The following ZCCHC24 variants were observed in gnomAD, a reference collection of about 807,000 sequenced individuals.
ZCCHC24 encodes the protein zinc finger CCHC domain-containing protein 24.
In ZCCHC24, 10 loss-of-function variants were observed where a neutral mutation model predicts 26.2. The observed-to-expected ratio is 0.38, with a 90% confidence interval of 0.24 to 0.65. The LOEUF (loss-of-function observed/expected upper bound fraction) is 0.65. Ranked by LOEUF, ZCCHC24 falls within the 30% of genes least tolerant of loss-of-function variation. ZCCHC24 has a pLI of 0.54. For synonymous variants in ZCCHC24, 144 were observed against 147.1 expected (o/e 0.98, Z 0.15); for missense variants, 243 against 329.1 (o/e 0.74, Z 2.03).
At chr10:79,423,591 A>ATTTTATATATATAC (rs373110200) in intron 2 of ZCCHC24, among the ~76,000 whole-genome samples, 1 of 49,666 alleles carries the variant, frequency 2.0e-5, no homozygotes, top group Admixed American at 2.2e-4. Context: ...CTATATATAT[A>ATTTTATATATATAC]TATATATATA....
intron 1 of ZCCHC24, among the ~76,000 whole-genome samples, chr10:79,442,486 A>G (rs1308080371): frequency 6.6e-6 from 1 of 152,070 alleles, no homozygotes; most frequent in East Asian, 1.9e-4. Flanking sequence ...AGCTGCATTC[A>G]TGGTGTTTTG....
At chr10:79,440,292 T>A (rs1338951822) in intron 1 of ZCCHC24, among the ~76,000 whole-genome samples, 6 of 152,222 alleles carry the variant, frequency 3.9e-5, no homozygotes, top group Non-Finnish European at 7.3e-5. Flanking sequence ...AAGTGCTCAG[T>A]GCCCATCTTC....
intron 2 of ZCCHC24, among the ~76,000 whole-genome samples, chr10:79,410,976 T>C (rs1013042256): frequency 1.3e-5 from 2 of 152,098 alleles, no homozygotes; most frequent in African/African-American, 4.8e-5. Context: ...GCTCCCCTCT[T>C]GGCCCATGGT....
chr10:79,424,569 T>C (rs191341058), intron 2 of ZCCHC24, among the ~76,000 whole-genome samples: 69 of 152,306 alleles, frequency 4.5e-4, no homozygotes, highest in African/African-American at 1.6e-3. Flanking sequence ...CCTATCCATG[T>C]TCAGGGGCTG....
Position 79,432,561 on chromosome 10 carries a change from G to C in ZCCHC24, c.444C>G (p.Pro148=). 6.3e-7 allele frequency: 1 copy of C among 1,593,978 alleles called. No homozygotes were observed. Among genetic ancestry groups the C allele is most frequent in the Non-Finnish European group, 8.5e-7 (1 of 1,170,064 alleles). Residue 148 remains proline, a synonymous_variant, in exon 2 of 4, where the codon CCC becomes CCG. Transcript: ENST00000372336. The part of the protein sequence containing the change: ...FNKGHYIKDC[P]QARPKGEGLT... Reference sequence around the variant, plus strand: ...CCCTGGGCCAGGGCTGCCTTACCTGGGGGCAGTCCTTGATGTAGTGTCCTT... The same window carrying C: ...CCCTGGGCCAGGGCTGCCTTACCTGCGGGCAGTCCTTGATGTAGTGTCCTT...
chr10:79,402,545 G>T (rs546608641), intron 2 of ZCCHC24, among the ~76,000 whole-genome samples: 101 of 152,390 alleles, frequency 6.6e-4, no homozygotes, highest in African/African-American at 2.3e-3. Flanking sequence ...AAAGTGTGGG[G>T]ATTATAGGCG....
At position 79,385,950 on chromosome 10, in the gene ZCCHC24, T is replaced by C. The variant is rs562606051; in HGVS notation, c.*395A>G. 2 of 419,446 alleles carry C rather than the reference T, an allele frequency of 4.8e-6. No homozygotes were observed. The highest frequency in any genetic ancestry group is 1.9e-4 in the South Asian group (2 of 10,746). The allele number at this position is 419,446 out of a possible 1,614,324, so 26.0% of individuals were successfully genotyped here. A position where few individuals can be genotyped will look rare whatever the true frequency, so the allele number is the denominator to read the frequency against. On this transcript the variant is annotated 3_prime_UTR_variant, in exon 4 of 4. Coordinates refer to ENST00000372336, the MANE Select transcript of ZCCHC24 (RefSeq NM_153367.4). The surrounding 1 kb of genome is among the most constrained non-coding windows in gnomAD (Gnocchi z 4.3). ...GGGTGGGGGCAGGCGGCCTGGCTGG[T>C]CTGGGGAGGTTTGGGATTCACAGTC... is the stretch of plus-strand genomic sequence containing the variant.
intron 2 of ZCCHC24, among the ~76,000 whole-genome samples, chr10:79,417,524 G>A (rs1222485289): frequency 6.6e-6 from 1 of 152,238 alleles, no homozygotes; most frequent in African/African-American, 2.4e-5. Flanking sequence ...GGGAGCAGTG[G>A]GAAAGGCACG....
chr10:79,423,128 T>C (rs1460867562), intron 2 of ZCCHC24, among the ~76,000 whole-genome samples: 2 of 152,160 alleles, frequency 1.3e-5, no homozygotes, highest in Non-Finnish European at 2.9e-5. Flanking sequence ...TGTCCTATCA[T>C]AGGAGAGACC....
intron 2 of ZCCHC24, among the ~76,000 whole-genome samples, chr10:79,411,799 C>T (rs943631879): frequency 2.6e-5 from 4 of 152,100 alleles, no homozygotes; most frequent in Non-Finnish European, 5.9e-5. Flanking sequence ...CAGGAGGCCT[C>T]GGCCCCTCCT....
At chr10:79,412,772 G>A (rs1448224430) in intron 2 of ZCCHC24, among the ~76,000 whole-genome samples, 2 of 152,134 alleles carry the variant, frequency 1.3e-5, no homozygotes, top group African/African-American at 2.4e-5. Context: ...CATTACTGGC[G>A]GCAAGAGCTT....
chr10:79,409,161 C>T (rs908218519), intron 2 of ZCCHC24: 2 of 152,276 alleles, frequency 1.3e-5, no homozygotes, highest in African/African-American at 2.4e-5. Flanking sequence ...GTAGACAGCA[C>T]ACAGGCTTGA....
intron 2 of ZCCHC24, among the ~76,000 whole-genome samples, chr10:79,413,410 G>C (rs969086878): frequency 4.6e-5 from 7 of 152,392 alleles, no homozygotes; most frequent in Middle Eastern, 3.4e-3. Flanking sequence ...TCCTGGGGGA[G>C]TGGAACGGAA....
At chr10:79,412,784 G>A (rs1051489805) in intron 2 of ZCCHC24, among the ~76,000 whole-genome samples, 4 of 152,174 alleles carry the variant, frequency 2.6e-5, no homozygotes, top group East Asian at 1.9e-4. Context: ...CAAGAGCTTC[G>A]ACAAGTTTCT....
chr10:79,387,353 C>T (rs989425587), intron 3 of ZCCHC24, among the ~76,000 whole-genome samples: 4 of 152,104 alleles, frequency 2.6e-5, no homozygotes, highest in Non-Finnish European at 2.9e-5. Flanking sequence ...AACTGGACAG[C>T]GGAAGGCACA....
chr10:79,431,622 A>G (rs911974708), intron 2 of ZCCHC24, among the ~76,000 whole-genome samples: 2 of 152,192 alleles, frequency 1.3e-5, no homozygotes, highest in African/African-American at 4.8e-5. Context: ...AATGAATGAC[A>G]GCACATTTTG....
At chr10:79,425,247 C>A (rs966269900) in intron 2 of ZCCHC24, among the ~76,000 whole-genome samples, 1 of 152,232 alleles carries the variant, frequency 6.6e-6, no homozygotes, top group Non-Finnish European at 1.5e-5. Flanking sequence ...ACCCTGCAGG[C>A]AGGCCCAGCA....
intron 2 of ZCCHC24, among the ~76,000 whole-genome samples, chr10:79,396,576 G>A (rs554247977): frequency 1.3e-5 from 2 of 152,338 alleles, no homozygotes; most frequent in African/African-American, 4.8e-5. Flanking sequence ...CTCCACAGTG[G>A]TTATTCAAAG....
intron 2 of ZCCHC24, among the ~76,000 whole-genome samples, chr10:79,425,230 C>T (rs566357116): frequency 3.3e-5 from 5 of 152,340 alleles, no homozygotes; most frequent in East Asian, 1.9e-4. Flanking sequence ...AAACGAGATA[C>T]CAGGCGACCC....
Sources: allele counts gnomAD v4.1 joint callset (sites outside exome capture counted in the v4.1 genomes callset), GRCh38; gene constraint gnomAD v4.1.1; non-coding constraint Gnocchi (gnomAD v3.1); transcripts MANE v1.5; gene names NCBI Gene and HGNC (gene_info 2026-07-23, HGNC 2026-07-21).